CLC: variants seen among roughly 807,000 people sequenced by gnomAD.
The protein encoded by CLC is galectin-10.
Under a neutral mutation model 13.9 loss-of-function variants are expected in CLC, and 15 were observed. The observed-to-expected ratio is 1.08, with a 90% CI of 0.72 to 1.66. The LOEUF (loss-of-function observed/expected upper bound fraction) is 1.66. Among genes scored for constraint, CLC ranks in the 40% most tolerant of loss-of-function variants. The pLI, the probability that CLC is intolerant of heterozygous loss-of-function variation, is 0.00. For missense variants in CLC, 161 were observed against 169.1 expected (o/e 0.95, Z 0.27); for synonymous variants, 68 against 59.9 (o/e 1.14, Z -0.63).
intron 1 of CLC, among the ~76,000 whole-genome samples, chr19:39,737,155 C>A (rs1295053052): frequency 6.6e-6 from 1 of 151,918 alleles, no homozygotes; most frequent in Non-Finnish European, 1.5e-5. Context: ...AGGGAGAGAC[C>A]TGAGGCTGGA....
intron 3 of CLC, among the ~76,000 whole-genome samples, chr19:39,732,497 G>C (rs1346981911): frequency 1.2e-5 from 1 of 81,974 alleles, no homozygotes; most frequent in Non-Finnish European, 2.6e-5. Context: ...GGACATTTGG[G>C]TTGGTTCCAA....
intron 1 of CLC, among the ~76,000 whole-genome samples, chr19:39,736,561 G>A (rs1967315285): frequency 6.6e-6 from 1 of 152,062 alleles, no homozygotes; most frequent in Admixed American, 6.5e-5. Flanking sequence ...CATCACTTGA[G>A]GTCAGGAGTT....
chr19:39,734,028 G>C, intron 3 of CLC: 1 of 985,422 alleles, frequency 1.0e-6, no homozygotes, highest in Non-Finnish European at 1.2e-6. Context: ...AGTGCAAGGA[G>C]AGGTGATGGC....
At position 39,736,690 on chromosome 19, in the gene CLC, G is replaced by A. The variant is rs569849103; in HGVS notation, c.15+1248C>T. On this transcript the variant is annotated intron_variant, in intron 1 of 3. Transcript: ENST00000221804. ...CTCGGGAAGCTGAGGTATGAGAATC[G>A]CTTGAACCCGGGAGGTGGAGGTTGC... Among the ~76,000 whole-genome samples the A allele has an allele frequency of 5.9e-5, 9 of 151,534 alleles. No homozygotes were observed. The East Asian group carries it at 9.8e-4, about 16-fold the overall frequency.
chr19:39,735,789 T>C (rs997169893), intron 1 of CLC, among the ~76,000 whole-genome samples: 56 of 152,278 alleles, frequency 3.7e-4, no homozygotes, highest in African/African-American at 1.3e-3. Flanking sequence ...GGGTCCTCTA[T>C]CTGAACAAGG....
Position 39,735,031 on chromosome 19 carries a change from C to T in CLC, c.58G>A (p.Val20Met). Residue 20 changes from valine (V) to methionine (M), a missense_variant, in exon 2 of 4, where the codon GTG becomes ATG. Val to Met is a conservative substitution (Grantham distance 21). Transcript: ENST00000221804. ...EAASLSTGST[V>M]TIKGRPLACF... is the part of the protein sequence containing the mutation. Reference sequence around the variant, plus strand: ...GCAAGTGGTCGCCCTTTGATTGTCACAGTAGAACCAGTAGACAAAGAGGCA... The same window carrying T: ...GCAAGTGGTCGCCCTTTGATTGTCATAGTAGAACCAGTAGACAAAGAGGCA... 6.2e-7 allele frequency: 1 copy of T among 1,613,908 alleles called. No individual in the cohort carries two copies. Among genetic ancestry groups the T allele is most frequent in the Middle Eastern group, 1.7e-4 (1 of 6,060 alleles).
intron 1 of CLC, among the ~76,000 whole-genome samples, chr19:39,737,452 C>G (rs1443555025): frequency 6.6e-6 from 1 of 152,016 alleles, no homozygotes; most frequent in Middle Eastern, 3.4e-3. Context: ...CAGTTCAACA[C>G]CCAGTCACAT....
intron 3 of CLC, among the ~76,000 whole-genome samples, chr19:39,732,834 C>G (rs1967246240): frequency 6.7e-6 from 1 of 150,200 alleles, no homozygotes; most frequent in South Asian, 2.2e-4. Context: ...AGAAGAAAAC[C>G]TAGGCATTAC....
intron 3 of CLC, among the ~76,000 whole-genome samples, 197 bp from the exon 4 acceptor site, chr19:39,731,702 G>A (rs1967228522): frequency 2.0e-5 from 3 of 152,114 alleles, no homozygotes; most frequent in Admixed American, 2.0e-4. Flanking sequence ...TATTTTCAAT[G>A]TTTCCTCTCA....
intron 3 of CLC, 42 bp from the exon 4 acceptor site, chr19:39,731,547 C>A (rs1483435735): frequency 6.4e-6 from 10 of 1,568,520 alleles, no homozygotes; most frequent in Non-Finnish European, 8.7e-6. Context: ...AGTATTTCAC[C>A]AAACAAGCTT....
intron 3 of CLC, 69 bp from the exon 4 acceptor site, chr19:39,731,574 G>A: frequency 1.3e-6 from 2 of 1,507,028 alleles, no homozygotes; most frequent in South Asian, 2.6e-5. Flanking sequence ...TGCTCTCTAT[G>A]GTGTCATAGT....
intron 1 of CLC, among the ~76,000 whole-genome samples, chr19:39,736,121 C>G (rs1967305048): frequency 6.6e-6 from 1 of 151,494 alleles, no homozygotes. Flanking sequence ...CATCGTTTGA[C>G]TGTTTCAGGT....
At chr19:39,734,580 T>C in intron 2 of CLC, 87 bp from the exon 3 acceptor site, 5 of 1,178,064 alleles carry the variant, frequency 4.2e-6, no homozygotes, top group Non-Finnish European at 1.2e-6. Flanking sequence ...GCCCCTTCCG[T>C]GGTCGAGCAA....
At chr19:39,734,711 A>G (rs113578411) in intron 2 of CLC, among the ~76,000 whole-genome samples, 72 of 152,278 alleles carry the variant, frequency 4.7e-4, no homozygotes, top group African/African-American at 1.1e-3. Context: ...ATAGTCACTG[A>G]CTTGGTCATA....
At position 39,734,307 on chromosome 19, in the gene CLC, G is replaced by T. The variant is rs1310359246; in HGVS notation, c.279C>A (p.Ile93=). ...FQDGQEFELS[I]SVLPDKYQVM... ...CCTGGTACTTATCTGGCAGCACTGA[G>T]ATGCTCAGTTCAAATTCTTGGCCAT... is the stretch of plus-strand genomic sequence containing the variant. The change falls in exon 3 of 4, where the codon ATC becomes ATA. Residue 93 remains isoleucine, a synonymous_variant. Transcript: ENST00000221804. 6.2e-7 allele frequency: 1 copy of T among 1,613,912 alleles called. No homozygotes were observed. The highest frequency in any genetic ancestry group is 2.2e-5 in the East Asian group (1 of 44,862).
chr19:39,737,425 G>A (rs554947962), intron 1 of CLC, among the ~76,000 whole-genome samples: 1 of 152,044 alleles, frequency 6.6e-6, no homozygotes, highest in South Asian at 2.1e-4. Flanking sequence ...ATGCACAGAA[G>A]GCCACATGCA....
At chr19:39,732,670 A>G (rs1475561860) in intron 3 of CLC, among the ~76,000 whole-genome samples, 1 of 142,438 alleles carries the variant, frequency 7.0e-6, no homozygotes, top group Non-Finnish European at 1.5e-5. Flanking sequence ...TGACTTCCAC[A>G]ATGGTTGAAC....
chr19:39,733,824 G>A, intron 3 of CLC: 1 of 367,496 alleles, frequency 2.7e-6, no homozygotes, highest in Non-Finnish European at 3.4e-6. Flanking sequence ...CTGAGGATTG[G>A]GATTGAGGAG....
At chr19:39,732,047 TA>T (rs983069122) in intron 3 of CLC, among the ~76,000 whole-genome samples, 17 of 80,148 alleles carry the variant, frequency 2.1e-4, no homozygotes, top group East Asian at 1.1e-3. Context: ...TATCTTTATT[TA>T]TTTTTTTATG....
Sources: gnomAD v4.1 joint callset for allele counts (sites outside exome capture counted in the v4.1 genomes callset) on GRCh38, gnomAD v4.1.1 for gene constraint, MANE v1.5 for transcripts, NCBI Gene and HGNC (gene_info 2026-07-23, HGNC 2026-07-21) for gene names.